Variants in SCG3 observed in about 807,000 individuals in gnomAD.
The protein encoded by SCG3 is secretogranin III.
Under a neutral mutation model 56.2 loss-of-function variants are expected in SCG3, and 38 were observed. The observed-to-expected ratio is 0.68, with a 90% CI of 0.52 to 0.89. SCG3 has a LOEUF of 0.89. Among genes scored for constraint, SCG3 ranks in the 40% least tolerant of loss-of-function variants. The probability of loss-of-function intolerance (pLI) is 0.00; values close to 1 mark genes in which losing one functional copy is unlikely to be tolerated. For missense variants in SCG3, 524 were observed against 540.7 expected (o/e 0.97, Z 0.31); for synonymous variants, 176 against 184.2 (o/e 0.96, Z 0.36).
Position 51,681,773 on chromosome 15 carries a change from C to T in SCG3, c.18C>T (p.Thr6=), listed in dbSNP as rs1259531941. Residue 6 remains threonine, a synonymous_variant, in exon 1 of 12, where the codon ACC becomes ACT. Coordinates refer to ENST00000220478, the MANE Select transcript of SCG3 (RefSeq NM_013243.4). ...GTGGAAGAATGGGGTTCCTCGGGAC[C>T]GGCACTTGGATTCTGGTGTTAGTGC... MGFLG[T]GTWILVLVLP... The T allele has an allele frequency of 2.5e-6, 4 of 1,613,956 alleles. No homozygotes were observed. The highest frequency in any genetic ancestry group is 1.7e-5 in the Admixed American group (1 of 60,000).
At chr15:51,696,481 G>A (rs1032609151) in intron 8 of SCG3, among the ~76,000 whole-genome samples, 3 of 152,122 alleles carry the variant, frequency 2.0e-5, no homozygotes, top group Non-Finnish European at 2.9e-5. Flanking sequence ...GGCCCAGGAG[G>A]CTGAGGTTGC....
At position 51,681,747 on chromosome 15, in the gene SCG3, C is replaced by A. The variant is rs1457574042; in HGVS notation, c.-9C>A. 5 of 1,612,556 alleles carry A rather than the reference C, an allele frequency of 3.1e-6. No homozygotes were observed. The South Asian group carries it at 3.3e-5, about 11-fold the overall frequency. Reference sequence around the variant, plus strand: ...GCGCCGGGCTGTGACCCAAGCCGAGCGTGGAAGAATGGGGTTCCTCGGGAC... The same window carrying A: ...GCGCCGGGCTGTGACCCAAGCCGAGAGTGGAAGAATGGGGTTCCTCGGGAC... On this transcript the variant is annotated 5_prime_UTR_variant, in exon 1 of 12. Coordinates refer to ENST00000220478, the MANE Select transcript of SCG3 (RefSeq NM_013243.4).
At chr15:51,699,254 T>C (rs2055323961) in intron 8 of SCG3, 65 bp from the exon 9 acceptor site, 1 of 1,165,378 alleles carries the variant, frequency 8.6e-7, no homozygotes, top group Non-Finnish European at 1.3e-6. Flanking sequence ...TTTAAACATT[T>C]TTCGTAAAAA....
rs921809070 is a variant in SCG3 at position 51,686,193 on chromosome 15, T to C, written c.398-2067T>C. On this transcript the variant is annotated intron_variant, in intron 4 of 11. Transcript: ENST00000220478. ...ACATGGAGGGTGAAATACCCCTTCATGAGCAGGAGGGAAGCCATTCTGAGT... is the reference window on the plus strand; with the variant it reads ...ACATGGAGGGTGAAATACCCCTTCACGAGCAGGAGGGAAGCCATTCTGAGT... Among the ~76,000 whole-genome samples, 4 of 152,170 alleles carry C rather than the reference T, an allele frequency of 2.6e-5. 1 individual carries two copies. Among genetic ancestry groups the C allele is most frequent in the South Asian group, 4.1e-4 (2 of 4,832 alleles).
At chr15:51,713,701 T>A (rs75615776) in intron 11 of SCG3, among the ~76,000 whole-genome samples, 1,562 of 152,304 alleles carry the variant, frequency 0.01, 28 homozygotes, top group African/African-American at 0.036. Flanking sequence ...CCAGCACCCA[T>A]CTTCAATAAT....
intron 6 of SCG3, among the ~76,000 whole-genome samples, chr15:51,691,414 A>G (rs2141563296): frequency 6.6e-6 from 1 of 152,330 alleles, no homozygotes; most frequent in Middle Eastern, 3.4e-3. Context: ...AGTATTGGGC[A>G]TAGATTTGGG....
chr15:51,716,955 G>A (rs28522862), intron 11 of SCG3, among the ~76,000 whole-genome samples: 33,813 of 152,162 alleles, frequency 0.22, 4,381 homozygotes, highest in Non-Finnish European at 0.28. Context: ...GCCTGGTATG[G>A]TAGCTCACAC....
intron 6 of SCG3, 32 bp from the exon 7 acceptor site, chr15:51,692,127 G>T: frequency 6.4e-7 from 1 of 1,568,638 alleles, no homozygotes; most frequent in East Asian, 2.2e-5. Flanking sequence ...CTAACAAAAT[G>T]TTCATTTTTT....
intron 6 of SCG3, 51 bp downstream of exon 6, chr15:51,689,419 G>T: frequency 6.5e-7 from 1 of 1,530,470 alleles, no homozygotes; most frequent in Non-Finnish European, 8.9e-7. Context: ...GTGTGTGTGT[G>T]TGTGTGTGTG....
intron 11 of SCG3, 69 bp downstream of exon 11, chr15:51,713,482 T>C: frequency 9.3e-7 from 1 of 1,072,118 alleles, no homozygotes; most frequent in Non-Finnish European, 1.4e-6. Context: ...ATATAAAAAT[T>C]CCCACAGTCA....
At chr15:51,686,208 C>A (rs2055227682) in intron 4 of SCG3, among the ~76,000 whole-genome samples, 1 of 152,130 alleles carries the variant, frequency 6.6e-6, no homozygotes. Context: ...AGGAGGGAAG[C>A]CATTCTGAGT....
chr15:51,686,001 T>C (rs2055226407), intron 4 of SCG3, among the ~76,000 whole-genome samples: 1 of 152,242 alleles, frequency 6.6e-6, no homozygotes, highest in African/African-American at 2.4e-5. Context: ...AATTAAAATA[T>C]ATTGAACAAA....
chr15:51,719,602 A>T lies in SCG3; in HGVS notation c.*76A>T. 1 of 1,103,630 alleles carries T rather than the reference A, an allele frequency of 9.1e-7. No homozygotes were observed. The highest frequency in any genetic ancestry group is 2.2e-5 in the Admixed American group (1 of 45,498). The allele number at this position is 1,103,630 out of a possible 1,614,324, so 68.4% of individuals were successfully genotyped here. On this transcript the variant is annotated 3_prime_UTR_variant, in exon 12 of 12. Coordinates refer to ENST00000220478, the MANE Select transcript of SCG3 (RefSeq NM_013243.4). ...AGCTTAAAACACTTCTAATTCTGTG[A>T]TTAAAATTTTTTGACCCAAGGGTTA...
intron 5 of SCG3, among the ~76,000 whole-genome samples, chr15:51,688,859 C>T (rs1034589815): frequency 6.6e-6 from 1 of 152,206 alleles, no homozygotes; most frequent in Non-Finnish European, 1.5e-5. Flanking sequence ...TCTGCCCTGA[C>T]CTGGCCCTGA....
rs1043151689 is a variant in SCG3, at chr15:51,719,499, C to T, written c.1380C>T (p.Ala460=). Residue 460 remains alanine, a synonymous_variant, in exon 12 of 12, where the codon GCC becomes GCT. Transcript: ENST00000220478. ...KGILDKEEAE[A]IKRIYSSL ...TCCTTGACAAGGAAGAAGCCGAGGC[C>T]ATCAAGCGCATTTATAGCAGCCTGT... The T allele has an allele frequency of 3.1e-6, 5 of 1,613,770 alleles. No homozygotes were observed. In the African/African-American group the frequency reaches 6.7e-5, roughly 22 times the overall value.
intron 9 of SCG3, among the ~76,000 whole-genome samples, chr15:51,699,864 C>T (rs2607118): frequency 0.21 from 31,231 of 151,920 alleles, 3,791 homozygotes; most frequent in East Asian, 0.55. Context: ...GCTTTACCCC[C>T]GCTCTTGGTT....
chr15:51,703,019 G>A (rs1274596852), intron 10 of SCG3, among the ~76,000 whole-genome samples: 3 of 152,076 alleles, frequency 2.0e-5, no homozygotes, highest in Non-Finnish European at 4.4e-5. Context: ...TCTCTTGGGT[G>A]GGGGGTGGTG....
chr15:51,699,367 A>C lies in SCG3; in HGVS notation c.1034A>C (p.Lys345Thr). Residue 345 changes from lysine to threonine, a missense_variant, in exon 9 of 12, where the codon AAA becomes ACA. Physicochemically the swap from Lys to Thr is moderately conservative, Grantham distance 78. Coordinates refer to ENST00000220478, the MANE Select transcript of SCG3 (RefSeq NM_013243.4). The stretch of plus-strand genomic sequence containing the variant: ...CTTCAGACCAAAAACAAGCTAGAAA[A>C]AAATGCTACTGACAATATAAGCAAG... ...IALQTKNKLE[K>T]NATDNISKLF... 6.2e-7 allele frequency: 1 copy of C among 1,608,824 alleles called. No individual in the cohort carries two copies. Among genetic ancestry groups the C allele is most frequent in the Non-Finnish European group, 8.5e-7 (1 of 1,178,564 alleles).
chr15:51,712,194 T>A (rs996699212), intron 10 of SCG3, among the ~76,000 whole-genome samples: 1 of 152,196 alleles, frequency 6.6e-6, no homozygotes, highest in Non-Finnish European at 1.5e-5. Flanking sequence ...CAGTCCCCAG[T>A]ACATGATAAG....
Sources: gnomAD v4.1 joint callset for allele counts (sites outside exome capture counted in the v4.1 genomes callset) on GRCh38, gnomAD v4.1.1 for gene constraint, MANE v1.5 for transcripts, NCBI Gene and HGNC (gene_info 2026-07-23, HGNC 2026-07-21) for gene names.